The following RGS6 variants were observed in gnomAD, a reference collection of about 807,000 sequenced individuals.
The protein encoded by RGS6 is regulator of G-protein signaling 6.
Under a neutral mutation model 78.5 loss-of-function variants are expected in RGS6, and 30 were observed. The ratio of observed to expected loss-of-function variants is 0.38; its 90% CI spans 0.29 to 0.52. The LOEUF (loss-of-function observed/expected upper bound fraction) is 0.52, where lower values mean the gene tolerates loss of function less well. RGS6 is among the 20% of genes least tolerant of loss of function. RGS6 has a pLI of 0.85. For missense variants in RGS6, 495 were observed against 609.7 expected (o/e 0.81, Z 1.98); for synonymous variants, 206 against 206.0 (o/e 1.00, Z 0.00).
At chr14:72,215,682 C>T (rs563598660) in intron 2 of RGS6, among the ~76,000 whole-genome samples, 5 of 152,276 alleles carry the variant, frequency 3.3e-5, no homozygotes, top group Non-Finnish European at 5.9e-5. Context: ...GAGGAAGTAA[C>T]TTGTGGAATG....
At chr14:71,996,012 C>T (rs975071481) in intron 2 of RGS6, among the ~76,000 whole-genome samples, 4 of 152,098 alleles carry the variant, frequency 2.6e-5, no homozygotes, top group Non-Finnish European at 4.4e-5. Flanking sequence ...ACTGGCCTCC[C>T]GAGGCCTTCC....
At chr14:71,956,454 A>G (rs1021768208) in intron 1 of RGS6, among the ~76,000 whole-genome samples, 4 of 151,962 alleles carry the variant, frequency 2.6e-5, no homozygotes, top group Admixed American at 1.3e-4. Context: ...CATGATCACA[A>G]GGTCCCACAA....
At chr14:72,604,611 C>A in the RGS6 span, among the ~76,000 whole-genome samples, 1 of 152,078 alleles carries the variant, frequency 6.6e-6, no homozygotes, top group East Asian at 1.9e-4. Flanking sequence ...CTTGGATGAC[C>A]GCTCTGAACA....
chr14:72,466,418 C>A (rs535613367), intron 7 of RGS6, among the ~76,000 whole-genome samples: 1 of 152,224 alleles, frequency 6.6e-6, no homozygotes, highest in Non-Finnish European at 1.5e-5. Context: ...CATGTTCACA[C>A]AAACACCTAT....
the RGS6 span, among the ~76,000 whole-genome samples, chr14:71,887,428 A>G: frequency 6.6e-6 from 1 of 152,212 alleles, no homozygotes; most frequent in Non-Finnish European, 1.5e-5. Flanking sequence ...CTTCTTGCAG[A>G]GAGCCTATAA....
At chr14:72,585,035 C>A in the RGS6 span, among the ~76,000 whole-genome samples, 1 of 149,322 alleles carries the variant, frequency 6.7e-6, no homozygotes, top group East Asian at 2.0e-4. Context: ...GAGACCCAAG[C>A]ATTATGTCGT....
In RGS6 at chr14:72,521,271, C is replaced by T. The variant is rs76329129; in HGVS notation, c.1278+2734C>T. The stretch of plus-strand genomic sequence containing the variant: ...TTTGCTTTATACTACACAGAGCAGT[C>T]TCTAAACCACAATGCTAAAAATACA... On this transcript the variant is annotated intron_variant, in intron 15 of 17. Coordinates refer to ENST00000553525, the MANE Select transcript of RGS6 (RefSeq NM_001204424.2). 9.7e-3 allele frequency among the ~76,000 whole-genome samples: 1,477 copies of T among 152,294 alleles called. 32 individuals are homozygous for T. Among genetic ancestry groups the T allele is most frequent in the African/African-American group, 0.034 (1,409 of 41,554 alleles).
intron 2 of RGS6, among the ~76,000 whole-genome samples, chr14:72,233,498 A>G (rs2050195591): frequency 6.6e-6 from 1 of 152,206 alleles, no homozygotes; most frequent in South Asian, 2.1e-4. Flanking sequence ...TGTATTAAAA[A>G]TAAGTTGAGA....
At chr14:72,254,965 G>A (rs1398990435) in intron 2 of RGS6, among the ~76,000 whole-genome samples, 1 of 152,188 alleles carries the variant, frequency 6.6e-6, no homozygotes, top group African/African-American at 2.4e-5. Context: ...GAGGTATGGT[G>A]AGGCCAGATG....
chr14:72,207,893 C>T (rs1034060957), intron 2 of RGS6, among the ~76,000 whole-genome samples: 1 of 152,132 alleles, frequency 6.6e-6, no homozygotes, highest in Non-Finnish European at 1.5e-5. Flanking sequence ...ATAATAGTAC[C>T]GACCTCCTGA....
the RGS6 span, among the ~76,000 whole-genome samples, chr14:71,905,115 C>T: frequency 2.0e-5 from 3 of 152,220 alleles, no homozygotes; most frequent in African/African-American, 7.2e-5. Flanking sequence ...TTGCTTTCTG[C>T]TGTTCCTCAA....
At chr14:71,904,253 C>A in the RGS6 span, among the ~76,000 whole-genome samples, 2 of 152,278 alleles carry the variant, frequency 1.3e-5, no homozygotes, top group East Asian at 3.9e-4. Flanking sequence ...TGCCTCCTCC[C>A]TCCCCCAAAA....
chr14:72,471,708 A>T (rs959421063), intron 8 of RGS6, among the ~76,000 whole-genome samples: 7 of 152,046 alleles, frequency 4.6e-5, no homozygotes, highest in Non-Finnish European at 7.4e-5. Context: ...GATGCCAGCC[A>T]CCTCCTGACC....
At chr14:72,038,207 C>G (rs1021322094) in intron 2 of RGS6, among the ~76,000 whole-genome samples, 1 of 152,162 alleles carries the variant, frequency 6.6e-6, no homozygotes, top group East Asian at 1.9e-4. Context: ...TGGCCTCAAT[C>G]AATCCGCCTG....
chr14:72,184,646 A>G (rs2097216006), intron 2 of RGS6, among the ~76,000 whole-genome samples: 1 of 152,196 alleles, frequency 6.6e-6, no homozygotes, highest in African/African-American at 2.4e-5. Flanking sequence ...GGACTTGGGC[A>G]TATTCCCTTA....
intron 3 of RGS6, among the ~76,000 whole-genome samples, chr14:72,418,136 T>C (rs1566793922): frequency 6.6e-6 from 1 of 151,952 alleles, no homozygotes; most frequent in African/African-American, 2.4e-5. Context: ...AGCGGACACA[T>C]CATCTGTACT....
Position 72,269,567 on chromosome 14 carries a change from A to ATTTTTTTTTTTTTT in RGS6, c.85-82514_85-82501dup, listed in dbSNP as rs56171281. On this transcript the variant is annotated intron_variant, in intron 2 of 17. Transcript: ENST00000553525. Reference sequence around the variant, plus strand: ...GTTTTTACAGTGAAACCTATCTTAAATTTTTTTTTTTTTTTTTTTTTTTTT... The same window carrying ATTTTTTTTTTTTTT: ...GTTTTTACAGTGAAACCTATCTTAAATTTTTTTTTTTTTTTTTTTTTTTTTTTTTTTTTTTTTTT... Among the ~76,000 whole-genome samples the ATTTTTTTTTTTTTT allele has an allele frequency of 1.4e-4, 17 of 120,334 alleles. 7 individuals carry two copies. The highest frequency in any genetic ancestry group is 1.9e-4 in the Non-Finnish European group (11 of 59,348). The allele number at this position is 120,334 out of a possible 152,430, so 78.9% of individuals were successfully genotyped here. A position where few individuals can be genotyped will look rare whatever the true frequency, so the allele number is the denominator to read the frequency against.
intron 2 of RGS6, among the ~76,000 whole-genome samples, chr14:72,271,127 T>C (rs2059867646): frequency 6.6e-6 from 1 of 152,186 alleles, no homozygotes; most frequent in African/African-American, 2.4e-5. Flanking sequence ...ACCTCATTAA[T>C]ATTGTTCCTC....
chr14:72,407,736 A>C (rs1337006553), intron 3 of RGS6, among the ~76,000 whole-genome samples: 1 of 152,242 alleles, frequency 6.6e-6, no homozygotes, highest in Non-Finnish European at 1.5e-5. Flanking sequence ...ATCCTCCCCC[A>C]GTACTTGAAG....
Sources: gnomAD v4.1 joint callset for allele counts (sites outside exome capture counted in the v4.1 genomes callset) on GRCh38, gnomAD v4.1.1 for gene constraint, MANE v1.5 for transcripts, NCBI Gene and HGNC (gene_info 2026-07-23, HGNC 2026-07-21) for gene names.